RARB: variants seen among roughly 807,000 people sequenced by gnomAD.
RARB encodes the protein HBV-activated protein.
A neutral mutation model predicts 51.9 loss-of-function variants in RARB; 17 were observed. The ratio of observed to expected loss-of-function variants is 0.33; its 90% CI spans 0.22 to 0.49. The LOEUF is 0.49. Among genes scored for constraint, RARB ranks in the 20% least tolerant of loss-of-function variants. The pLI, the probability that RARB is intolerant of heterozygous loss-of-function variation, is 0.99. For synonymous variants in RARB, 215 were observed against 195.4 expected (o/e 1.10, Z -0.84); for missense variants, 369 against 550.8 (o/e 0.67, Z 3.30).
At chr3:25,291,448 G>A (rs1230955308) in intron 5 of RARB, among the ~76,000 whole-genome samples, 1 of 149,248 alleles carries the variant, frequency 6.7e-6, no homozygotes, top group African/African-American at 2.5e-5. Context: ...TAAGAGATAT[G>A]GGTAAAAATG....
At chr3:25,536,882 A>T (rs1699163741) in intron 3 of RARB, among the ~76,000 whole-genome samples, 1 of 152,204 alleles carries the variant, frequency 6.6e-6, no homozygotes, top group Non-Finnish European at 1.5e-5. Flanking sequence ...AAAGTTGGGG[A>T]GTTTTCCAGT....
At chr3:25,254,216 C>T (rs1456862467) in intron 5 of RARB, among the ~76,000 whole-genome samples, 1 of 152,104 alleles carries the variant, frequency 6.6e-6, no homozygotes, top group Non-Finnish European at 1.5e-5. Flanking sequence ...GTCAGTGTTT[C>T]CTATTATCCG....
At chr3:25,298,480 G>T (rs1575293340) in intron 5 of RARB, among the ~76,000 whole-genome samples, 1 of 152,170 alleles carries the variant, frequency 6.6e-6, no homozygotes, top group East Asian at 1.9e-4. Context: ...GAGATAGAGA[G>T]CCAGAGCAGG....
At chr3:24,912,353 A>G (rs1029600406) in intron 2 of RARB, among the ~76,000 whole-genome samples, 1 of 152,192 alleles carries the variant, frequency 6.6e-6, no homozygotes, top group Non-Finnish European at 1.5e-5. Flanking sequence ...GTTTCTTCGT[A>G]TTGTTATGAA....
intron 1 of RARB, among the ~76,000 whole-genome samples, chr3:25,433,540 A>C (rs940509314): frequency 6.6e-6 from 1 of 152,204 alleles, no homozygotes; most frequent in Non-Finnish European, 1.5e-5. Flanking sequence ...GAGTAGAATT[A>C]AATTAAATTG....
chr3:25,249,839 G>A (rs548993607), intron 5 of RARB, among the ~76,000 whole-genome samples: 2 of 60,864 alleles, frequency 3.3e-5, no homozygotes, highest in Non-Finnish European at 5.7e-5. Context: ...TGGGGCCCCA[G>A]TGGTAGCAGC....
intron 2 of RARB, among the ~76,000 whole-genome samples, chr3:24,951,748 C>T (rs79356520): frequency 0.02 from 3,046 of 152,240 alleles, 98 homozygotes; most frequent in African/African-American, 0.07. Flanking sequence ...GCACAAGATG[C>T]GAGAGGAGAG....
chr3:25,340,571 A>G (rs982532755), intron 5 of RARB, among the ~76,000 whole-genome samples: 2 of 152,198 alleles, frequency 1.3e-5, no homozygotes, highest in Non-Finnish European at 2.9e-5. Flanking sequence ...AAAACAAAAC[A>G]TTACTTAGAA....
chr3:24,852,547 G>C (rs909741574), intron 1 of RARB, among the ~76,000 whole-genome samples: 1 of 152,018 alleles, frequency 6.6e-6, no homozygotes, highest in Non-Finnish European at 1.5e-5. Context: ...CCACATAAAG[G>C]CTTGTACATA....
intron 3 of RARB, among the ~76,000 whole-genome samples, chr3:25,099,712 C>A (rs530964911): frequency 6.6e-6 from 1 of 151,874 alleles, no homozygotes; most frequent in Admixed American, 6.6e-5. Flanking sequence ...TGGAAGGTCA[C>A]TGGAGTCCTT....
intron 7 of RARB, among the ~76,000 whole-genome samples, chr3:25,596,171 A>G (rs1701818696): frequency 1.3e-5 from 2 of 152,216 alleles, no homozygotes; most frequent in South Asian, 4.1e-4. Flanking sequence ...ACTTTGCAAT[A>G]AACTAACACA....
intron 5 of RARB, among the ~76,000 whole-genome samples, chr3:25,409,154 A>G (rs959522289): frequency 6.6e-6 from 1 of 152,212 alleles, no homozygotes; most frequent in African/African-American, 2.4e-5. Flanking sequence ...ACCTAAGCCC[A>G]TTGCCATGAG....
intron 2 of RARB, among the ~76,000 whole-genome samples, chr3:24,987,571 T>C (rs955314515): frequency 6.6e-6 from 1 of 152,372 alleles, no homozygotes; most frequent in Middle Eastern, 3.4e-3. Flanking sequence ...ATATATTCCA[T>C]TTTTTAAGAC....
chr3:25,024,787 T>A (rs1198466462), intron 2 of RARB, among the ~76,000 whole-genome samples: 2 of 151,788 alleles, frequency 1.3e-5, no homozygotes, highest in African/African-American at 4.8e-5. Flanking sequence ...ACCCTGTCTC[T>A]ACTAAAAATA....
intron 4 of RARB, among the ~76,000 whole-genome samples, chr3:25,162,722 C>T (rs750428032): frequency 3.3e-5 from 5 of 152,148 alleles, no homozygotes; most frequent in Non-Finnish European, 5.9e-5. Context: ...ATAATGTTTT[C>T]AAGGTTCATC....
At chr3:25,266,617 G>A (rs140819984) in intron 5 of RARB, among the ~76,000 whole-genome samples, 177 of 152,178 alleles carry the variant, frequency 1.2e-3, no homozygotes, top group Middle Eastern at 3.4e-3. Flanking sequence ...GGATTCAACC[G>A]TGTCCCTGCA....
intron 2 of RARB, among the ~76,000 whole-genome samples, chr3:25,482,085 T>A (rs1350488322): frequency 6.6e-6 from 1 of 151,608 alleles, no homozygotes; most frequent in Non-Finnish European, 1.5e-5. Context: ...ACCTCTGCAA[T>A]AAGAAGCCTC....
chr3:25,243,648 A>G (rs890868428), intron 5 of RARB, among the ~76,000 whole-genome samples: 2 of 152,120 alleles, frequency 1.3e-5, no homozygotes, highest in African/African-American at 4.8e-5. Context: ...CTTGCATCCC[A>G]TGGATGAAGC....
chr3:24,833,834 G>A (rs966563508), intron 1 of RARB, among the ~76,000 whole-genome samples: 7 of 152,070 alleles, frequency 4.6e-5, no homozygotes, highest in Non-Finnish European at 1.0e-4. Context: ...GTTCTGATTG[G>A]CCAGTGCTCT....
Sources: gnomAD v4.1 joint callset for allele counts (sites outside exome capture counted in the v4.1 genomes callset) on GRCh38, gnomAD v4.1.1 for gene constraint, MANE v1.5 for transcripts, NCBI Gene and HGNC (gene_info 2026-07-23, HGNC 2026-07-21) for gene names.